JPT2: variants seen among roughly 807,000 people sequenced by gnomAD.
The protein encoded by JPT2 is CRAMP_1 like.
JPT2 carries 9 observed loss-of-function variants against 15.9 expected under a neutral mutation model. The observed-to-expected ratio is 0.57, with a 90% CI of 0.34 to 0.99. The LOEUF is 0.99. Ranked by LOEUF, JPT2 falls within the 50% of genes least tolerant of loss-of-function variation. The pLI is 0.02. For synonymous variants in JPT2, 95 were observed against 91.7 expected (o/e 1.04, Z -0.21); for missense variants, 267 against 252.1 (o/e 1.06, Z -0.40).
At chr16:1,679,085 T>G (rs2036999144) in intron 1 of JPT2, among the ~76,000 whole-genome samples, 1 of 152,178 alleles carries the variant, frequency 6.6e-6, no homozygotes, top group African/African-American at 2.4e-5. Flanking sequence ...TTTTCTTATG[T>G]TTTTGAACTT....
chr16:1,681,746 G>A (rs1430904043), intron 1 of JPT2, among the ~76,000 whole-genome samples: 3 of 152,182 alleles, frequency 2.0e-5, no homozygotes, highest in African/African-American at 4.8e-5. Context: ...ATAGGTGCTC[G>A]AGAGATGTGC....
Position 1,702,067 on chromosome 16 carries a change from A to T in JPT2, c.*3069A>T. ...TGTAAAAAAATAAAATAAAAAACAG[A>T]TTGGATGTCTTTCTTCTGATGTATT... is the stretch of plus-strand genomic sequence containing the variant. On this transcript the variant is annotated 3_prime_UTR_variant, in exon 5 of 5. Coordinates refer to ENST00000248098, the MANE Select transcript of JPT2 (RefSeq NM_144570.3). 2.2e-6 allele frequency: 1 copy of T among 450,130 alleles called. No homozygotes were observed. Among genetic ancestry groups the T allele is most frequent in the Non-Finnish European group, 4.5e-6 (1 of 223,276 alleles). The allele number at this position is 450,130 out of a possible 1,614,324, so 27.9% of individuals were successfully genotyped here.
At chr16:1,690,492 C>T (rs1015474753) in intron 2 of JPT2, 1 of 152,156 alleles carries the variant, frequency 6.6e-6, no homozygotes, top group African/African-American at 2.4e-5. Context: ...TCCAGGTGGG[C>T]TATACTCAAG....
At chr16:1,689,445 G>A (rs2037089717) in intron 2 of JPT2, 1 of 152,132 alleles carries the variant, frequency 6.6e-6, no homozygotes, top group African/African-American at 2.4e-5. Context: ...AGGTAGGTAT[G>A]ATTATTTATT....
Position 1,698,698 on chromosome 16 carries a change from C to T in JPT2, c.386-113C>T. ...TATATTGTCTTCTCTTTCCCAGTTA[C>T]AGCATGAATTTCTTGCAGGTTGCTC... On this transcript the variant is annotated intron_variant, in intron 4 of 4. Transcript: ENST00000248098. This position sits in a 1 kb window ranked among gnomAD's most constrained non-coding sequence, Gnocchi z 4.9. The T allele has an allele frequency of 9.8e-7, 1 of 1,016,026 alleles. No homozygotes were observed. Among genetic ancestry groups the T allele is most frequent in the Middle Eastern group, 2.8e-4 (1 of 3,592 alleles). The allele number at this position is 1,016,026 out of a possible 1,614,324, so 62.9% of individuals were successfully genotyped here.
Position 1,702,076 on chromosome 16 carries a change from C to T in JPT2, c.*3078C>T. The T allele has an allele frequency of 2.2e-6, 1 of 451,926 alleles. No individual in the cohort carries two copies. The highest frequency in any genetic ancestry group is 4.5e-6 in the Non-Finnish European group (1 of 224,564). The allele number at this position is 451,926 out of a possible 1,614,324, so 28.0% of individuals were successfully genotyped here. On this transcript the variant is annotated 3_prime_UTR_variant, in exon 5 of 5. Transcript: ENST00000248098. The stretch of plus-strand genomic sequence containing the variant: ...ATAAAATAAAAAACAGATTGGATGT[C>T]TTTCTTCTGATGTATTAGCTATTTT...
At chr16:1,695,913 T>C (rs2037138061) in intron 3 of JPT2, among the ~76,000 whole-genome samples, 1 of 152,108 alleles carries the variant, frequency 6.6e-6, no homozygotes, top group South Asian at 2.1e-4. Flanking sequence ...TATAAACTTC[T>C]GTGCATCAAA....
At position 1,685,465 on chromosome 16, in the gene JPT2, C is replaced by T. The variant is rs560011266; in HGVS notation, c.71C>T (p.Ser24Leu). The T allele has an allele frequency of 3.1e-5, 50 of 1,614,152 alleles. No homozygotes were observed. The highest frequency in any genetic ancestry group is 3.6e-5 in the Non-Finnish European group (43 of 1,180,024). Residue 24 changes from serine (S) to leucine (L), a missense_variant, in exon 2 of 5, where the codon TCG (serine) becomes TTG (leucine). Coordinates refer to ENST00000248098, the MANE Select transcript of JPT2 (RefSeq NM_144570.3). ...SRAMKPPGGE[S>L]SNLFGSPEEA... ...GCCATGAAGCCCCCAGGAGGAGAAT[C>T]GAGCAATCTTTTTGGAAGTCCAGAA...
rs767749723 is a variant in JPT2, at chr16:1,698,860, C to T, written c.435C>T (p.Ala145=). 4.3e-6 allele frequency: 7 copies of T among 1,614,044 alleles called. No homozygotes were observed. In the African/African-American group the frequency reaches 8.0e-5, roughly 18 times the overall value. Residue 145 remains alanine, a synonymous_variant, in exon 5 of 5, where the codon GCC becomes GCT. Coordinates refer to ENST00000248098, the MANE Select transcript of JPT2 (RefSeq NM_144570.3). The surrounding 1 kb of genome is among the most constrained non-coding windows in gnomAD (Gnocchi z 4.9). ...CAGAGCCAGGTGAGAAAGGCAGCGC[C>T]AGAAAAGCAGGCCCCGCCAAGGAGC... ...AGAEPGEKGS[A]RKAGPAKEQE...
chr16:1,697,701 A>G, intron 3 of JPT2, 111 bp from the exon 4 acceptor site: 1 of 962,368 alleles, frequency 1.0e-6, no homozygotes, highest in South Asian at 1.4e-5. Flanking sequence ...GGTCAGATAT[A>G]CAAGCATTTT....
At chr16:1,696,411 C>T (rs1302256669) in intron 3 of JPT2, among the ~76,000 whole-genome samples, 3 of 151,878 alleles carry the variant, frequency 2.0e-5, no homozygotes, top group Non-Finnish European at 4.4e-5. Context: ...CTCCCAGCTA[C>T]TCTGGAGGCT....
intron 2 of JPT2, among the ~76,000 whole-genome samples, chr16:1,687,718 G>A (rs1159013275): frequency 6.6e-6 from 1 of 152,206 alleles, no homozygotes; most frequent in Non-Finnish European, 1.5e-5. Flanking sequence ...GCTTCTCATG[G>A]TCCTTCTCAC....
chr16:1,695,550 G>A (rs568941645), intron 3 of JPT2, among the ~76,000 whole-genome samples: 16 of 152,120 alleles, frequency 1.1e-4, no homozygotes, highest in African/African-American at 3.6e-4. Context: ...TCCAGCCTGG[G>A]TGACAGAATG....
intron 2 of JPT2, among the ~76,000 whole-genome samples, chr16:1,691,408 A>G (rs551180438): frequency 2.6e-5 from 4 of 152,224 alleles, no homozygotes; most frequent in African/African-American, 4.8e-5. Flanking sequence ...GTTTCCCTTG[A>G]ATAGGGCATG....
At chr16:1,684,983 G>T (rs931649733) in intron 1 of JPT2, among the ~76,000 whole-genome samples, 3 of 152,000 alleles carry the variant, frequency 2.0e-5, no homozygotes, top group African/African-American at 7.3e-5. Flanking sequence ...CTGTAAACTA[G>T]TCATACCAGT....
intron 2 of JPT2, chr16:1,689,050 C>T (rs921064528): frequency 3.3e-5 from 5 of 152,082 alleles, no homozygotes; most frequent in South Asian, 2.1e-4. Context: ...GCACTGTTCT[C>T]GATGACTTTG....
intron 1 of JPT2, among the ~76,000 whole-genome samples, chr16:1,684,071 C>T (rs1352287528): frequency 2.0e-5 from 3 of 152,112 alleles, no homozygotes; most frequent in African/African-American, 7.2e-5. Context: ...GTTGTTACAC[C>T]GTATCACCTG....
rs181339031 is a variant in JPT2 at position 1,681,538 on chromosome 16, T to C, written c.44+3182T>C. ...TGCGCCCATTGGTCCCCATTCCACA[T>C]GGAGGCCACAGACTCAATTTGGGTT... On this transcript the variant is annotated intron_variant, in intron 1 of 4. Coordinates refer to ENST00000248098, the MANE Select transcript of JPT2 (RefSeq NM_144570.3). 1.1e-3 allele frequency among the ~76,000 whole-genome samples: 174 copies of C among 152,340 alleles called. 1 individual carries two copies. The highest frequency in any genetic ancestry group is 3.5e-3 in the South Asian group (17 of 4,826).
intron 3 of JPT2, among the ~76,000 whole-genome samples, chr16:1,696,859 G>C (rs546429736): frequency 2.6e-5 from 4 of 152,206 alleles, no homozygotes; most frequent in Non-Finnish European, 5.9e-5. Context: ...TGGAGCCCTC[G>C]TGCATTGCTA....
Sources: gnomAD v4.1 joint callset for allele counts (sites outside exome capture counted in the v4.1 genomes callset) on GRCh38, gnomAD v4.1.1 for gene constraint, Gnocchi (gnomAD v3.1) non-coding constraint, MANE v1.5 for transcripts, NCBI Gene and HGNC (gene_info 2026-07-23, HGNC 2026-07-21) for gene names.